Variants in ZNF800 observed in about 807,000 individuals in gnomAD.
ZNF800 encodes the protein zinc finger protein 800.
A neutral mutation model predicts 59.5 loss-of-function variants in ZNF800; 13 were observed. That is an observed-to-expected ratio of 0.22 (90% confidence interval 0.14 to 0.35). The LOEUF (loss-of-function observed/expected upper bound fraction) is 0.35. Ranked by LOEUF, ZNF800 falls within the 10% of genes least tolerant of loss-of-function variation. The pLI, the probability that ZNF800 is intolerant of heterozygous loss-of-function variation, is 1.00. For missense variants in ZNF800, 621 were observed against 783.7 expected, an observed-to-expected ratio of 0.79 and a Z score of 2.48; for synonymous variants, 266 against 265.7, an observed-to-expected ratio of 1.00 and a Z score of -0.01.
At chr7:127,346,819 A>G (rs1035170463) in exon 2 of ZNF800, 1 of 152,438 alleles carries the variant, frequency 6.6e-6, no homozygotes, top group Non-Finnish European at 1.5e-5. Context: ...TACAGGTCTG[A>G]CACCTGTGAA....
Position 127,383,785 on chromosome 7 carries a change from C to T in ZNF800, c.157+2275G>A, listed in dbSNP as rs115845308. Among the ~76,000 whole-genome samples the T allele has an allele frequency of 9.2e-3, 1,407 of 152,252 alleles. 27 individuals are homozygous for T. Among genetic ancestry groups the T allele is most frequent in the African/African-American group, 0.032 (1,339 of 41,554 alleles). On this transcript the variant is annotated intron_variant, in intron 3 of 5. Transcript: ENST00000265827. ...TCTTTTTTTAATCCAAGATTAGTTT[C>T]TTTGTACCACTCAGCATATTTCTAA...
intron 1 of ZNF800, among the ~76,000 whole-genome samples, chr7:127,354,268 A>G (rs1800226456): frequency 6.6e-6 from 1 of 152,056 alleles, no homozygotes; most frequent in Non-Finnish European, 1.5e-5. Flanking sequence ...TAAATCAGTG[A>G]CCCTCTCTTC....
At position 127,373,545 on chromosome 7, in the gene ZNF800, A is replaced by C; in HGVS notation, c.1791T>G (p.Ser597Arg). The change falls in exon 5 of 6, where the codon AGT (serine) becomes AGG (arginine). Residue 597 changes from serine to arginine, a missense_variant. Ser to Arg is a moderately radical substitution (Grantham distance 110, BLOSUM62 -1). Around this residue, in one of 7 missense-constraint regions of ZNF800, gnomAD observed 94 missense variants for 108.5 expected, o/e 0.87. Transcript: ENST00000265827. The stretch of plus-strand genomic sequence containing the variant: ...CGACGTCAGCTACTTCATACTTTTT[A>C]CTAGGAGAGTTAGAAGTGCCATCAT... ...SKHDGTSNSP[S>R]KKYEVADVGI... 2.5e-6 allele frequency: 4 copies of C among 1,614,090 alleles called. No homozygotes were observed. The highest frequency in any genetic ancestry group is 3.4e-6 in the Non-Finnish European group (4 of 1,180,008).
intron 3 of ZNF800, among the ~76,000 whole-genome samples, chr7:127,378,393 T>G (rs1487427134): frequency 6.6e-6 from 1 of 152,140 alleles, no homozygotes; most frequent in African/African-American, 2.4e-5. Context: ...TACTAATTAA[T>G]GTACCTTTAC....
chr7:127,379,207 C>T (rs566499906), intron 3 of ZNF800, among the ~76,000 whole-genome samples: 58 of 152,094 alleles, frequency 3.8e-4, no homozygotes, highest in Non-Finnish European at 6.3e-4. Context: ...ATCTTGGCAA[C>T]GGACTGCTAA....
At chr7:127,387,711 A>T (rs537797848) in intron 2 of ZNF800, among the ~76,000 whole-genome samples, 1 of 152,096 alleles carries the variant, frequency 6.6e-6, no homozygotes, top group African/African-American at 2.4e-5. Flanking sequence ...AAATACAAAA[A>T]TTAGCCAGGC....
rs2269729 is a variant in ZNF800 at position 127,392,609 on chromosome 7, A to T, written c.-608T>A. The T allele has an allele frequency of 0.64, 110,683 of 173,016 alleles. 35,915 individuals carry two copies. The highest frequency in any genetic ancestry group is 0.87 in the East Asian group (5,780 of 6,642). 10.7% of individuals were successfully genotyped at this position (173,016 alleles called of 1,614,324 possible). On this transcript the variant is annotated 5_prime_UTR_variant, in exon 1 of 6. Coordinates refer to ENST00000265827, the MANE Select transcript of ZNF800 (RefSeq NM_176814.5). ...ACTTTATTAAGTCAGCCTCTCTTTT[A>T]CTCTGTCGCCCCCTCCTCCGGAGAG...
rs577977623 is a variant in ZNF800 at position 127,384,227 on chromosome 7, C to CTTTTTTTT, written c.157+1825_157+1832dup. ...CTTATGACTTAACTAATTCTAACTT[C>CTTTTTTTT]TTTTTTTTTTTTTTTTTTTTTTTTT... is the stretch of plus-strand genomic sequence containing the variant. On this transcript the variant is annotated intron_variant, in intron 3 of 5. Transcript: ENST00000265827. Among the ~76,000 whole-genome samples, 175 of 63,360 alleles carry CTTTTTTTT rather than the reference C, an allele frequency of 2.8e-3. 30 individuals carry two copies. Among genetic ancestry groups the CTTTTTTTT allele is most frequent in the Middle Eastern group, 8.9e-3 (1 of 112 alleles). The allele number at this position is 63,360 out of a possible 152,430, so 41.6% of individuals were successfully genotyped here.
intron 1 of ZNF800, among the ~76,000 whole-genome samples, chr7:127,352,794 T>C (rs1403428174): frequency 6.6e-6 from 1 of 152,186 alleles, no homozygotes; most frequent in Non-Finnish European, 1.5e-5. Flanking sequence ...GGGTCAGCCT[T>C]AGAAAGCAGT....
chr7:127,352,741 G>T (rs1026579120), intron 1 of ZNF800, among the ~76,000 whole-genome samples: 1 of 152,222 alleles, frequency 6.6e-6, no homozygotes, highest in Non-Finnish European at 1.5e-5. Context: ...AAGGGATACA[G>T]TCTTCTAATA....
chr7:127,374,083 G>A lies in ZNF800; in HGVS notation c.1253C>T (p.Ser418Phe). The change falls in exon 5 of 6, where the codon TCT (serine) becomes TTT (phenylalanine). Residue 418 changes from serine to phenylalanine, a missense_variant. This residue lies in a region of ZNF800 where 185 missense variants were observed against 177.6 expected (regional missense o/e 1.04). Coordinates refer to ENST00000265827, the MANE Select transcript of ZNF800 (RefSeq NM_176814.5). ...VKVEPADSVE[S>F]SPPSITHSPQ... ...AGAATGGGTAATGGAAGGGGGTGAA[G>A]ATTCTACAGAATCTGCTGGTTCAAC... is the stretch of plus-strand genomic sequence containing the variant. 6.2e-7 allele frequency: 1 copy of A among 1,614,090 alleles called. No homozygotes were observed. The highest frequency in any genetic ancestry group is 8.5e-7 in the Non-Finnish European group (1 of 1,180,012).
At chr7:127,345,755 G>A (rs570892064), downstream of ZNF800, among the ~76,000 whole-genome samples, 8 of 152,300 alleles carry the variant, frequency 5.3e-5, no homozygotes, top group South Asian at 1.7e-3. Flanking sequence ...TGTGAGAAAG[G>A]TTGTTGCTAC....
At chr7:127,389,518 C>T (rs972284536) in intron 2 of ZNF800, among the ~76,000 whole-genome samples, 11 of 152,132 alleles carry the variant, frequency 7.2e-5, no homozygotes, top group Non-Finnish European at 1.0e-4. Context: ...CATCTGTGGA[C>T]ATGATCTTTT....
intron 5 of ZNF800, chr7:127,372,654 T>C (rs930572283): frequency 5.1e-6 from 5 of 984,970 alleles, no homozygotes; most frequent in Admixed American, 6.2e-5. Context: ...TAAATAAGCA[T>C]TGTTTCCATA....
intron 1 of ZNF800, chr7:127,361,643 T>C (rs1449370688): frequency 1.3e-5 from 2 of 152,088 alleles, no homozygotes; most frequent in African/African-American, 4.8e-5. Flanking sequence ...AGTAATCAAG[T>C]CATATTTTTC....
In ZNF800 at chr7:127,377,066, G is replaced by T; in HGVS notation, c.301+120C>A. The T allele has an allele frequency of 1.1e-6, 1 of 905,354 alleles. No individual in the cohort carries two copies. The highest frequency in any genetic ancestry group is 1.6e-6 in the Non-Finnish European group (1 of 620,870). 56.1% of individuals were successfully genotyped at this position (905,354 alleles called of 1,614,324 possible). Reference sequence around the variant, plus strand: ...CTCCATCTCCATCTAAAAATTATCTGTAACTAGACATCATTATCAAATTAT... The same window carrying T: ...CTCCATCTCCATCTAAAAATTATCTTTAACTAGACATCATTATCAAATTAT... On this transcript the variant is annotated intron_variant, in intron 4 of 5. Transcript: ENST00000265827. This position sits in a 1 kb window ranked among gnomAD's most constrained non-coding sequence, Gnocchi z 4.7.
chr7:127,379,619 T>C (rs1025185755), intron 3 of ZNF800, among the ~76,000 whole-genome samples: 7 of 152,086 alleles, frequency 4.6e-5, no homozygotes, highest in Admixed American at 2.0e-4. Flanking sequence ...TAAGACTGCA[T>C]CCCTAAATCA....
intron 5 of ZNF800, among the ~76,000 whole-genome samples, chr7:127,372,078 G>A (rs890259493): frequency 6.6e-6 from 1 of 152,134 alleles, no homozygotes; most frequent in African/African-American, 2.4e-5. Flanking sequence ...AGGTATAGAA[G>A]GTGAACTTTT....
chr7:127,383,424 T>TTTG (rs1386509222), intron 3 of ZNF800, among the ~76,000 whole-genome samples: 2 of 152,220 alleles, frequency 1.3e-5, no homozygotes, highest in African/African-American at 4.8e-5. Flanking sequence ...GTCAAAGATA[T>TTTG]ATAGCACCAC....
Sources: gnomAD v4.1 joint callset for allele counts (sites outside exome capture counted in the v4.1 genomes callset) on GRCh38, gnomAD v4.1.1 for gene constraint, gnomAD v4.1.1 regional missense constraint, Gnocchi (gnomAD v3.1) non-coding constraint, MANE v1.5 for transcripts, NCBI Gene and HGNC (gene_info 2026-07-23, HGNC 2026-07-21) for gene names.